LATS2: variants seen among roughly 807,000 people sequenced by gnomAD.
LATS2 encodes the protein serine/threonine-protein kinase LATS2.
A neutral mutation model predicts 76.0 loss-of-function variants in LATS2; 24 were observed. That is an observed-to-expected ratio of 0.32 (90% CI 0.23 to 0.44). LATS2 has a LOEUF of 0.44. Ranked by LOEUF, LATS2 falls within the 20% of genes least tolerant of loss-of-function variation. The pLI, the probability that LATS2 is intolerant of heterozygous loss-of-function variation, is 1.00. For missense variants in LATS2, 1,286 were observed against 1,481.2 expected (o/e 0.87, Z 2.16); for synonymous variants, 692 against 635.4 (o/e 1.09, Z -1.34).
intron 1 of LATS2, among the ~76,000 whole-genome samples, chr13:21,046,556 C>T (rs1873083256): frequency 6.6e-6 from 1 of 152,150 alleles, no homozygotes; most frequent in Admixed American, 6.5e-5. Flanking sequence ...TATTTTGAAA[C>T]CCACAGCTTG....
chr13:20,989,556 A>T (rs1870416955), intron 3 of LATS2, among the ~76,000 whole-genome samples: 1 of 152,206 alleles, frequency 6.6e-6, no homozygotes, highest in African/African-American at 2.4e-5. Context: ...AGGGCAGAAG[A>T]GAAGACTGCG....
In LATS2 at chr13:21,021,795, T is replaced by C. The variant is rs1477848266; in HGVS notation, c.342+23890A>G. Among the ~76,000 whole-genome samples the C allele has an allele frequency of 2.0e-5, 3 of 152,184 alleles. No homozygotes were observed. In the East Asian group the frequency reaches 5.8e-4, roughly 29 times the overall value. On this transcript the variant is annotated intron_variant, in intron 2 of 7. Transcript: ENST00000382592. Reference sequence around the variant, plus strand: ...GTTGTGAACAGTGCTGCTCCTGGGGTCCACACTGCAGTTATGCACTGTAGC... The same window carrying C: ...GTTGTGAACAGTGCTGCTCCTGGGGCCCACACTGCAGTTATGCACTGTAGC...
chr13:20,997,152 G>A (rs1870794559), intron 2 of LATS2, among the ~76,000 whole-genome samples: 2 of 152,174 alleles, frequency 1.3e-5, no homozygotes, highest in Admixed American at 1.3e-4. Context: ...GACTGAGAAG[G>A]GCAAGACAAA....
At chr13:21,034,957 A>G (rs910349619) in intron 2 of LATS2, among the ~76,000 whole-genome samples, 1 of 152,220 alleles carries the variant, frequency 6.6e-6, no homozygotes, top group Non-Finnish European at 1.5e-5. Flanking sequence ...GGGGCTGAGC[A>G]CAGTGGTTCA....
Position 21,014,243 on chromosome 13 carries a change from C to A in LATS2, c.343-22839G>T, listed in dbSNP as rs140787679. On this transcript the variant is annotated intron_variant, in intron 2 of 7. Transcript: ENST00000382592. Reference sequence around the variant, plus strand: ...ATGGATGACAGGGCTCTCCCAAACCCAAGGCCTTTTCTTCTTGTTCTCCCA... The same window carrying A: ...ATGGATGACAGGGCTCTCCCAAACCAAAGGCCTTTTCTTCTTGTTCTCCCA... Among the ~76,000 whole-genome samples, 1,222 of 152,298 alleles carry A rather than the reference C, an allele frequency of 8.0e-3. 19 individuals are homozygous for A. The highest frequency in any genetic ancestry group is 0.028 in the African/African-American group (1,162 of 41,564).
At chr13:21,051,905 C>T (rs1409931511) in intron 1 of LATS2, among the ~76,000 whole-genome samples, 1 of 152,142 alleles carries the variant, frequency 6.6e-6, no homozygotes, top group Non-Finnish European at 1.5e-5. Context: ...TGCAGTGAGT[C>T]AAGGTCACAC....
At position 20,973,949 on chromosome 13, in the gene LATS2, A is replaced by C. The variant is rs928124428; in HGVS notation, c.*921T>G. On this transcript the variant is annotated 3_prime_UTR_variant, in exon 8 of 8. Transcript: ENST00000382592. Reference sequence around the variant, plus strand: ...AATCCCTTTTGATGTATATAAGTTCAGTATATGACAAATGTTTCAGTTCCC... The same window carrying C: ...AATCCCTTTTGATGTATATAAGTTCCGTATATGACAAATGTTTCAGTTCCC... 9.4e-6 allele frequency: 2 copies of C among 212,002 alleles called. No homozygotes were observed. Among genetic ancestry groups the C allele is most frequent in the Admixed American group, 1.2e-4 (2 of 16,398 alleles). The allele number at this position is 212,002 out of a possible 1,614,324, so 13.1% of individuals were successfully genotyped here.
chr13:21,043,688 G>T (rs59003187), intron 2 of LATS2, among the ~76,000 whole-genome samples: 3,691 of 152,292 alleles, frequency 0.024, 132 homozygotes, highest in African/African-American at 0.084. Context: ...CTTACTTTTA[G>T]TGTATTTGTG....
intron 3 of LATS2, among the ~76,000 whole-genome samples, chr13:20,990,595 G>A (rs1273373158): frequency 6.8e-6 from 1 of 147,492 alleles, no homozygotes. Flanking sequence ...ACAAAACAAA[G>A]CAAAACAAAA....
Position 20,974,797 on chromosome 13 carries a change from T to C in LATS2, c.*73A>G, listed in dbSNP as rs549129737. ...AACAAAACAGCCCTCGGCTTCCCTA[T>C]TGGCCTGTGAGGGCACCGGCTCCGG... On this transcript the variant is annotated 3_prime_UTR_variant, in exon 8 of 8. Transcript: ENST00000382592. 76 of 1,484,840 alleles carry C rather than the reference T, an allele frequency of 5.1e-5. No individual in the cohort carries two copies. Among genetic ancestry groups the C allele is most frequent in the African/African-American group, 2.0e-4 (14 of 71,082 alleles). The allele number at this position is 1,484,840 out of a possible 1,614,324, so 92.0% of individuals were successfully genotyped here.
intron 2 of LATS2, among the ~76,000 whole-genome samples, chr13:20,996,392 T>TG (rs1005930646): frequency 5.3e-5 from 8 of 151,838 alleles, no homozygotes; most frequent in African/African-American, 1.9e-4. Flanking sequence ...TTTTTTTTTT[T>TG]TTTTGAGACA....
At chr13:21,053,213 A>G (rs113214884) in intron 1 of LATS2, among the ~76,000 whole-genome samples, 15,136 of 142,470 alleles carry the variant, frequency 0.11, 1,020 homozygotes, top group African/African-American at 0.18. Context: ...CCAGCTTGGC[A>G]ACAGAGTGAG....
rs1004141370 is a variant in LATS2, at chr13:20,984,417, T to C, written c.1900-611A>G. 3.9e-5 allele frequency among the ~76,000 whole-genome samples: 6 copies of C among 152,226 alleles called. No homozygotes were observed. The South Asian group carries it at 1.0e-3, about 26-fold the overall frequency. On this transcript the variant is annotated intron_variant, in intron 4 of 7. Coordinates refer to ENST00000382592, the MANE Select transcript of LATS2 (RefSeq NM_014572.3). ...CTCCAAGAGCCATCTAATCTTTCAG[T>C]AACTCAGGGAAAATGGGAAAGCAGG...
At position 20,988,657 on chromosome 13, in the gene LATS2, G is replaced by A; in HGVS notation, c.1123C>T (p.Leu375=). Residue 375 remains leucine, a synonymous_variant, in exon 4 of 8, where the codon CTG becomes TTG. Transcript: ENST00000382592. Reference sequence around the variant, plus strand: ...TTCTGCAGGGAGTCCCGGCGGGCCAGGGTGGCAGCCGGCCACTGCTGGACG... The same window carrying A: ...TTCTGCAGGGAGTCCCGGCGGGCCAAGGTGGCAGCCGGCCACTGCTGGACG... ...TSVQQWPAAT[L]ARRDSLQKPG... The A allele has an allele frequency of 6.3e-7, 1 of 1,579,070 alleles. No individual in the cohort carries two copies. The highest frequency in any genetic ancestry group is 1.1e-5 in the South Asian group (1 of 88,120).
rs1357743447 is a variant in LATS2, at chr13:21,013,965, C to T, written c.343-22561G>A. Among the ~76,000 whole-genome samples, 5 of 150,288 alleles carry T rather than the reference C, an allele frequency of 3.3e-5. No homozygotes were observed. In the Admixed American group the frequency reaches 3.3e-4, roughly 10 times the overall value. Reference sequence around the variant, plus strand: ...CAGCCTGGGCAACAGAGCAAGACCCCCAACTTGAAAACAAAAGAAGAAGAA... The same window carrying T: ...CAGCCTGGGCAACAGAGCAAGACCCTCAACTTGAAAACAAAAGAAGAAGAA... On this transcript the variant is annotated intron_variant, in intron 2 of 7. Coordinates refer to ENST00000382592, the MANE Select transcript of LATS2 (RefSeq NM_014572.3).
In LATS2 at chr13:20,973,118, T is replaced by C; in HGVS notation, c.*1752A>G. ...ATATATCAATAAATAATAGTTAAACTGAGTTCCTGAGAAAGAACCTACCAC... is the reference window on the plus strand; with the variant it reads ...ATATATCAATAAATAATAGTTAAACCGAGTTCCTGAGAAAGAACCTACCAC... On this transcript the variant is annotated 3_prime_UTR_variant, in exon 8 of 8. Transcript: ENST00000382592. 4.3e-6 allele frequency: 1 copy of C among 231,384 alleles called. No homozygotes were observed. Among genetic ancestry groups the C allele is most frequent in the East Asian group, 6.2e-5 (1 of 16,222 alleles). The allele number at this position is 231,384 out of a possible 1,614,324, so 14.3% of individuals were successfully genotyped here. A position where few individuals can be genotyped will look rare whatever the true frequency, so the allele number is the denominator to read the frequency against.
Position 21,020,960 on chromosome 13 carries a change from G to A in LATS2, c.342+24725C>T, listed in dbSNP as rs866297264. On this transcript the variant is annotated intron_variant, in intron 2 of 7. Coordinates refer to ENST00000382592, the MANE Select transcript of LATS2 (RefSeq NM_014572.3). ...TTTATTATCTTTAAGCCACACATCC[G>A]TGGTTGGGAAGGTGTCCTTGATTCT... Among the ~76,000 whole-genome samples the A allele has an allele frequency of 1.2e-4, 19 of 152,272 alleles. No homozygotes were observed. The East Asian group carries it at 3.3e-3, about 26-fold the overall frequency.
intron 2 of LATS2, among the ~76,000 whole-genome samples, chr13:21,013,604 T>A (rs1161702855): frequency 6.6e-6 from 1 of 152,186 alleles, no homozygotes; most frequent in Admixed American, 6.5e-5. Context: ...TGTTGGAACG[T>A]TCTCTTTATT....
intron 2 of LATS2, among the ~76,000 whole-genome samples, chr13:21,021,037 G>C (rs1872038540): frequency 1.3e-5 from 2 of 152,206 alleles, no homozygotes; most frequent in Admixed American, 1.3e-4. Context: ...TATTTTAAGA[G>C]TCTGAGAGGA....
Sources: allele counts gnomAD v4.1 joint callset (sites outside exome capture counted in the v4.1 genomes callset), GRCh38; gene constraint gnomAD v4.1.1; transcripts MANE v1.5; gene names NCBI Gene and HGNC (gene_info 2026-07-23, HGNC 2026-07-21).